Variants in PAK1 observed in about 807,000 individuals in gnomAD.
PAK1 encodes serine/threonine-protein kinase PAK 1.
A neutral mutation model predicts 67.4 loss-of-function variants in PAK1; 29 were observed. The ratio of observed to expected loss-of-function variants is 0.43; its 90% CI spans 0.32 to 0.59. The LOEUF is 0.59. Ranked by LOEUF, PAK1 falls within the 20% of genes least tolerant of loss-of-function variation. PAK1 has a pLI of 0.07. For missense variants in PAK1, 337 were observed against 670.7 expected (o/e 0.50, Z 5.50); for synonymous variants, 223 against 237.4 (o/e 0.94, Z 0.56).
chr11:77,392,662 C>A (rs879684795), intron 1 of PAK1, 121 bp from the exon 2 acceptor site: 8 of 627,118 alleles, frequency 1.3e-5, no homozygotes, highest in Non-Finnish European at 2.1e-5. Context: ...TAGCTCAAGT[C>A]CTTCCACTGC....
intron 13 of PAK1, 95 bp downstream of exon 13, chr11:77,335,991 C>G: frequency 1.4e-6 from 1 of 723,182 alleles, no homozygotes. Flanking sequence ...AAAGGGATCT[C>G]CAGGTTGAAA....
In PAK1 at chr11:77,440,131, T is replaced by C. The variant is rs368710685; in HGVS notation, c.-22+33421A>G. On this transcript the variant is annotated intron_variant, in intron 1 of 14. Transcript: ENST00000356341. ...ACCAATTCCAAGTATAAAATGAATA[T>C]ATCAGAAAAGATCATTTGAAAAATT... 6.6e-5 allele frequency among the ~76,000 whole-genome samples: 10 copies of C among 152,204 alleles called. No individual in the cohort carries two copies. The East Asian group carries it at 1.9e-3, about 29-fold the overall frequency.
At chr11:77,508,659 CTT>C in the PAK1 span, among the ~76,000 whole-genome samples, 1,607 of 114,682 alleles carry the variant, frequency 0.014, 25 homozygotes, top group African/African-American at 0.047. Flanking sequence ...CATAGAGATT[CTT>C]TTTTTTTTTT....
Position 77,459,141 on chromosome 11 carries a change from T to C in PAK1, c.-22+14411A>G, listed in dbSNP as rs151142296. Among the ~76,000 whole-genome samples the C allele has an allele frequency of 9.7e-3, 1,473 of 152,284 alleles. 23 individuals carry two copies. Among genetic ancestry groups the C allele is most frequent in the African/African-American group, 0.034 (1,420 of 41,564 alleles). On this transcript the variant is annotated intron_variant, in intron 1 of 14. Transcript: ENST00000356341. ...GATAGAGTAGGGTTAGAAGAGATGA[T>C]GCTGAAGAGGTAGGTGAGGTCAAAT...
chr11:77,389,551 C>G (rs747704981), intron 2 of PAK1, among the ~76,000 whole-genome samples: 7 of 152,134 alleles, frequency 4.6e-5, no homozygotes, highest in Non-Finnish European at 7.4e-5. Context: ...TATAGCCATC[C>G]TAGTGAGTGT....
At chr11:77,466,399 T>C (rs1323207732) in intron 1 of PAK1, among the ~76,000 whole-genome samples, 2 of 152,048 alleles carry the variant, frequency 1.3e-5, no homozygotes, top group East Asian at 1.9e-4. Context: ...GTCAGGAGAT[T>C]GAGACCATCC....
chr11:77,357,831 T>TAA (rs1213674897), intron 6 of PAK1, among the ~76,000 whole-genome samples: 1 of 152,212 alleles, frequency 6.6e-6, no homozygotes, highest in African/African-American at 2.4e-5. Context: ...AGAACTATGT[T>TAA]AAGCACTAGA....
chr11:77,370,416 G>A (rs1398452231), intron 5 of PAK1, among the ~76,000 whole-genome samples: 1 of 152,170 alleles, frequency 6.6e-6, no homozygotes, highest in Non-Finnish European at 1.5e-5. Flanking sequence ...AGAATCAAAT[G>A]CACCTGCTGC....
the PAK1 span, among the ~76,000 whole-genome samples, chr11:77,505,920 C>A: frequency 6.6e-6 from 1 of 152,054 alleles, no homozygotes; most frequent in Non-Finnish European, 1.5e-5. Flanking sequence ...CCAGGTCCGG[C>A]GCCAGGGACT....
chr11:77,415,053 AC>A (rs1319712676), intron 1 of PAK1, among the ~76,000 whole-genome samples: 5 of 152,238 alleles, frequency 3.3e-5, no homozygotes, highest in African/African-American at 1.2e-4. Context: ...TTTAAAAAAA[AC>A]AACTGTGCAA....
chr11:77,345,044 T>A (rs1243256314), intron 9 of PAK1, among the ~76,000 whole-genome samples: 1 of 152,224 alleles, frequency 6.6e-6, no homozygotes, highest in South Asian at 2.1e-4. Flanking sequence ...TCTTTTTGTA[T>A]CAGGCCAAAG....
chr11:77,429,736 G>A (rs768990749), intron 1 of PAK1, among the ~76,000 whole-genome samples: 1 of 152,200 alleles, frequency 6.6e-6, no homozygotes, highest in Middle Eastern at 3.2e-3. Context: ...AATGTAACAC[G>A]TGATTCTGAA....
chr11:77,454,469 T>C (rs1448910405), intron 1 of PAK1, among the ~76,000 whole-genome samples: 1 of 152,200 alleles, frequency 6.6e-6, no homozygotes, highest in Non-Finnish European at 1.5e-5. Flanking sequence ...ATGGATGCTG[T>C]TGGCTGCCTA....
chr11:77,429,589 G>A (rs887990274), intron 1 of PAK1, among the ~76,000 whole-genome samples: 1 of 152,114 alleles, frequency 6.6e-6, no homozygotes, highest in Non-Finnish European at 1.5e-5. Context: ...GAAGCATAAC[G>A]TAAGACTGGT....
chr11:77,492,644 G>C, the PAK1 span, among the ~76,000 whole-genome samples: 15,746 of 150,776 alleles, frequency 0.1, 2,291 homozygotes, highest in African/African-American at 0.33. Flanking sequence ...TGGGCTTAAG[G>C]TATCCTCCTT....
intron 14 of PAK1, among the ~76,000 whole-genome samples, chr11:77,326,191 T>G (rs1939802811): frequency 6.6e-6 from 1 of 152,190 alleles, no homozygotes; most frequent in East Asian, 1.9e-4. Context: ...TGATGCGGCC[T>G]GCTAAAGGCA....
chr11:77,496,605 A>C, the PAK1 span, among the ~76,000 whole-genome samples: 118,786 of 151,912 alleles, frequency 0.78, 47,593 homozygotes, highest in African/African-American at 0.94. Context: ...CAGAGCAAGA[A>C]CCTGAAAAAA....
the PAK1 span, among the ~76,000 whole-genome samples, chr11:77,509,798 CT>C: frequency 6.6e-6 from 1 of 152,196 alleles, no homozygotes; most frequent in Admixed American, 6.5e-5. Flanking sequence ...TCTGCTTCAC[CT>C]TACACCATGA....
intron 5 of PAK1, among the ~76,000 whole-genome samples, chr11:77,369,842 A>G (rs561402236): frequency 6.6e-6 from 1 of 152,204 alleles, no homozygotes; most frequent in East Asian, 1.9e-4. Flanking sequence ...ACATCTACAG[A>G]TCCTCTCTGA....
Sources: allele counts gnomAD v4.1 joint callset (sites outside exome capture counted in the v4.1 genomes callset), GRCh38; gene constraint gnomAD v4.1.1; transcripts MANE v1.5; gene names NCBI Gene and HGNC (gene_info 2026-07-23, HGNC 2026-07-21).